AGAP1: variants seen among roughly 807,000 people sequenced by gnomAD.
AGAP1 encodes the protein ArfGAP with GTPase domain, ankyrin repeat and PH domain 1.
In AGAP1, 29 loss-of-function variants were observed where a neutral mutation model predicts 105.3. The observed-to-expected ratio is 0.28, with a 90% confidence interval of 0.21 to 0.38. The LOEUF is 0.38. AGAP1 is among the 10% of genes least tolerant of loss of function. AGAP1 has a pLI of 1.00. For synonymous variants in AGAP1, 509 were observed against 485.9 expected (o/e 1.05, Z -0.63); for missense variants, 998 against 1,165.1 (o/e 0.86, Z 2.09).
rs1189483370 is a variant in AGAP1, at chr2:236,092,822, A to G, written c.2115-27370A>G. Among the ~76,000 whole-genome samples the G allele has an allele frequency of 6.6e-6, 1 of 152,260 alleles. No homozygotes were observed. Among genetic ancestry groups the G allele is most frequent in the Admixed American group, 6.5e-5 (1 of 15,292 alleles). ...TCAGGGCTCCTTGGAGAAATGGCTC[A>G]TTCCAGATCTGGTTGAGAAGTAGGG... On this transcript the variant is annotated intron_variant, in intron 16 of 17. Transcript: ENST00000304032. This position sits in a 1 kb window ranked among gnomAD's most constrained non-coding sequence, Gnocchi z 4.7.
intron 17 of AGAP1, among the ~76,000 whole-genome samples, chr2:236,122,657 G>A (rs1044444027): frequency 2.0e-5 from 3 of 151,170 alleles, no homozygotes; most frequent in Admixed American, 6.6e-5. Context: ...ACATACATCC[G>A]GGCACTGTTT....
chr2:235,944,385 A>T (rs566559083), intron 12 of AGAP1, among the ~76,000 whole-genome samples: 3 of 152,210 alleles, frequency 2.0e-5, no homozygotes, highest in Admixed American at 1.3e-4. Context: ...TATTTTTGTA[A>T]TGTTTGTAGA....
Position 235,888,041 on chromosome 2 carries a change from G to T in AGAP1, c.1155+4592G>T, listed in dbSNP as rs1429507231. ...CACGTGTGTGCCGCTCACAGTCCAC[G>T]TAAGGCTGCGCCCTGGTGCCACCAC... On this transcript the variant is annotated intron_variant, in intron 10 of 17. Transcript: ENST00000304032. This position sits in a 1 kb window ranked among gnomAD's most constrained non-coding sequence, Gnocchi z 4.8. Among the ~76,000 whole-genome samples, 1 of 152,162 alleles carries T rather than the reference G, an allele frequency of 6.6e-6. No individual in the cohort carries two copies. The highest frequency in any genetic ancestry group is 1.5e-5 in the Non-Finnish European group (1 of 68,026).
Position 236,050,588 on chromosome 2 carries a change from A to C in AGAP1, c.2114+1307A>C, listed in dbSNP as rs963694777. Among the ~76,000 whole-genome samples the C allele has an allele frequency of 3.3e-5, 5 of 152,198 alleles. No individual in the cohort carries two copies. Among genetic ancestry groups the C allele is most frequent in the African/African-American group, 1.2e-4 (5 of 41,448 alleles). ...GTGAACAAGCTTAAAAGATGAATTC[A>C]TGTTTTAATATCTATTTTTTCACAG... On this transcript the variant is annotated intron_variant, in intron 16 of 17. Transcript: ENST00000304032. This position sits in a 1 kb window ranked among gnomAD's most constrained non-coding sequence, Gnocchi z 4.0.
rs758102460 is a variant in AGAP1 at position 235,957,713 on chromosome 2, C to T, written c.1484-10749C>T. 3.3e-5 allele frequency among the ~76,000 whole-genome samples: 5 copies of T among 152,180 alleles called. No homozygotes were observed. Among genetic ancestry groups the T allele is most frequent in the Non-Finnish European group, 5.9e-5 (4 of 68,036 alleles). On this transcript the variant is annotated intron_variant, in intron 12 of 17. Transcript: ENST00000304032. This position sits in a 1 kb window ranked among gnomAD's most constrained non-coding sequence, Gnocchi z 4.6. ...TCTTTATTTACCGGCCTACACATCT[C>T]TGTAAGCTTCAGAAAGAACAGAGCC...
intron 10 of AGAP1, among the ~76,000 whole-genome samples, chr2:235,885,533 T>C (rs1358635597): frequency 1.3e-5 from 2 of 152,216 alleles, no homozygotes; most frequent in Non-Finnish European, 2.9e-5. Flanking sequence ...CTGTATTTTG[T>C]CAAATTCCCA....
Position 236,058,320 on chromosome 2 carries a change from C to T in AGAP1, c.2114+9039C>T, listed in dbSNP as rs1252187130. 6.6e-6 allele frequency among the ~76,000 whole-genome samples: 1 copy of T among 152,130 alleles called. No individual in the cohort carries two copies. The highest frequency in any genetic ancestry group is 1.5e-5 in the Non-Finnish European group (1 of 68,034). On this transcript the variant is annotated intron_variant, in intron 16 of 17. Coordinates refer to ENST00000304032, the MANE Select transcript of AGAP1 (RefSeq NM_001037131.3). This position sits in a 1 kb window ranked among gnomAD's most constrained non-coding sequence, Gnocchi z 4.6. ...AGACTGTTGTCTGGCTTAGCATATC[C>T]AGTATATCCCAGCAGATGTTACAGC... is the stretch of plus-strand genomic sequence containing the variant.
At chr2:235,684,081 G>A (rs113540594) in intron 1 of AGAP1, among the ~76,000 whole-genome samples, 2,633 of 152,024 alleles carry the variant, frequency 0.017, 65 homozygotes, top group African/African-American at 0.059. Flanking sequence ...TTGCTCTGTC[G>A]CCCAGGCTGG....
intron 13 of AGAP1, among the ~76,000 whole-genome samples, chr2:235,980,636 G>A (rs1280905680): frequency 1.3e-5 from 2 of 152,178 alleles, no homozygotes; most frequent in South Asian, 2.1e-4. Flanking sequence ...GAGATCTGGC[G>A]GTTAGTTTCC....
Position 235,992,816 on chromosome 2 carries a change from C to T in AGAP1, c.1645+24193C>T, listed in dbSNP as rs998356636. The stretch of plus-strand genomic sequence containing the variant: ...CTGCTGCTCTTTGGGGTAGACCAGC[C>T]GTTTCCACGCACAGGCTGCACATTG... On this transcript the variant is annotated intron_variant, in intron 13 of 17. Coordinates refer to ENST00000304032, the MANE Select transcript of AGAP1 (RefSeq NM_001037131.3). The surrounding 1 kb of genome is among the most constrained non-coding windows in gnomAD (Gnocchi z 4.8). Among the ~76,000 whole-genome samples, 17 of 152,140 alleles carry T rather than the reference C, an allele frequency of 1.1e-4. No homozygotes were observed. Among genetic ancestry groups the T allele is most frequent in the Admixed American group, 4.6e-4 (7 of 15,278 alleles).
In AGAP1 at chr2:235,887,239, T is replaced by G. The variant is rs946756082; in HGVS notation, c.1155+3790T>G. Reference sequence around the variant, plus strand: ...GAGAGTCATTGGCCACATGCAGTGGTGGCATAAGTGGTCAAGTGTTGGGAA... The same window carrying G: ...GAGAGTCATTGGCCACATGCAGTGGGGGCATAAGTGGTCAAGTGTTGGGAA... On this transcript the variant is annotated intron_variant, in intron 10 of 17. Transcript: ENST00000304032. This position sits in a 1 kb window ranked among gnomAD's most constrained non-coding sequence, Gnocchi z 4.1. Among the ~76,000 whole-genome samples the G allele has an allele frequency of 1.3e-5, 2 of 152,066 alleles. No homozygotes were observed. Among genetic ancestry groups the G allele is most frequent in the Admixed American group, 6.5e-5 (1 of 15,270 alleles).
chr2:235,773,935 A>C, intron 6 of AGAP1: 2 of 468,640 alleles, frequency 4.3e-6, no homozygotes, highest in Non-Finnish European at 8.8e-6. Context: ...AAGACAATCA[A>C]CTCTTCATCT....
Position 235,741,124 on chromosome 2 carries a change from G to A in AGAP1, c.396+76G>A. On this transcript the variant is annotated intron_variant, in intron 4 of 17. Coordinates refer to ENST00000304032, the MANE Select transcript of AGAP1 (RefSeq NM_001037131.3). The surrounding 1 kb of genome is among the most constrained non-coding windows in gnomAD (Gnocchi z 4.9). The stretch of plus-strand genomic sequence containing the variant: ...AGGTTTGATTCAAGAAGTGCTTCTA[G>A]AAATCGGTGACTTGGTTTCCAAAAA... 2 of 1,284,898 alleles carry A rather than the reference G, an allele frequency of 1.6e-6. No homozygotes were observed. The highest frequency in any genetic ancestry group is 2.1e-6 in the Non-Finnish European group (2 of 957,910). 79.6% of individuals were successfully genotyped at this position (1,284,898 alleles called of 1,614,324 possible). A position where few individuals can be genotyped will look rare whatever the true frequency, so the allele number is the denominator to read the frequency against.
chr2:236,005,898 G>A lies in AGAP1; in HGVS notation c.1646-30663G>A, dbSNP rs1425535284. Among the ~76,000 whole-genome samples, 1 of 152,170 alleles carries A rather than the reference G, an allele frequency of 6.6e-6. No individual in the cohort carries two copies. Among genetic ancestry groups the A allele is most frequent in the Non-Finnish European group, 1.5e-5 (1 of 68,030 alleles). ...GAGGTAGTGTCTGTCAAGTTATTCT[G>A]CTGTAAAGTCATTGTGCCCCTCCAC... On this transcript the variant is annotated intron_variant, in intron 13 of 17. Coordinates refer to ENST00000304032, the MANE Select transcript of AGAP1 (RefSeq NM_001037131.3). This position sits in a 1 kb window ranked among gnomAD's most constrained non-coding sequence, Gnocchi z 4.1.
intron 9 of AGAP1, among the ~76,000 whole-genome samples, chr2:235,833,382 A>C (rs931903855): frequency 6.6e-6 from 1 of 152,224 alleles, no homozygotes; most frequent in African/African-American, 2.4e-5. Flanking sequence ...GTACATGGAC[A>C]AAAACGTAGA....
At chr2:235,980,120 C>A (rs1182972104) in intron 13 of AGAP1, among the ~76,000 whole-genome samples, 2 of 152,166 alleles carry the variant, frequency 1.3e-5, no homozygotes, top group Non-Finnish European at 2.9e-5. Flanking sequence ...GAAAGGACGA[C>A]CCTCCGTGTA....
In AGAP1 at chr2:235,934,798, A is replaced by G. The variant is rs1313149514; in HGVS notation, c.1483+3875A>G. Among the ~76,000 whole-genome samples the G allele has an allele frequency of 1.3e-5, 2 of 152,206 alleles. No homozygotes were observed. Among genetic ancestry groups the G allele is most frequent in the African/African-American group, 2.4e-5 (1 of 41,460 alleles). On this transcript the variant is annotated intron_variant, in intron 12 of 17. Coordinates refer to ENST00000304032, the MANE Select transcript of AGAP1 (RefSeq NM_001037131.3). The surrounding 1 kb of genome is among the most constrained non-coding windows in gnomAD (Gnocchi z 4.9). ...GAGAGCCTAAGCAGCTTTGGAATAC[A>G]GACGCCCGTGTTGGCAAGTGTGCCT... is the stretch of plus-strand genomic sequence containing the variant.
chr2:235,804,037 C>T (rs774767638), intron 8 of AGAP1, among the ~76,000 whole-genome samples: 4 of 152,208 alleles, frequency 2.6e-5, no homozygotes, highest in Non-Finnish European at 5.9e-5. Context: ...ACTCACCACA[C>T]GCTTCATCAA....
intron 16 of AGAP1, among the ~76,000 whole-genome samples, chr2:236,077,477 G>C (rs139645245): frequency 0.013 from 2,045 of 151,814 alleles, 37 homozygotes; most frequent in African/African-American, 0.047. Context: ...TGCCACCACG[G>C]CCAGCTAATT....
Sources: allele counts gnomAD v4.1 joint callset (sites outside exome capture counted in the v4.1 genomes callset), GRCh38; gene constraint gnomAD v4.1.1; non-coding constraint Gnocchi (gnomAD v3.1); transcripts MANE v1.5; gene names NCBI Gene and HGNC (gene_info 2026-07-23, HGNC 2026-07-21).